The following DIP2C variants were observed in gnomAD, a reference collection of about 807,000 sequenced individuals.
The protein encoded by DIP2C is disco-interacting protein 2 homolog C.
A neutral mutation model predicts 192.4 loss-of-function variants in DIP2C; 33 were observed. That is an observed-to-expected ratio of 0.17 (90% confidence interval 0.13 to 0.23). The LOEUF (loss-of-function observed/expected upper bound fraction) is 0.23, where lower values mean the gene tolerates loss of function less well. DIP2C is among the 10% of genes least tolerant of loss of function. The pLI is 1.00. For missense variants in DIP2C, 1,537 were observed against 2,110.1 expected (o/e 0.73, Z 5.32); for synonymous variants, 979 against 864.1 (o/e 1.13, Z -2.33).
At chr10:628,679 C>G (rs1310422587) in intron 1 of DIP2C, 1 of 152,524 alleles carries the variant, frequency 6.6e-6, no homozygotes, top group Non-Finnish European at 1.5e-5. Flanking sequence ...GCTTTGAGCT[C>G]TAATGGATGA....
rs1856789452 is a variant in DIP2C, at chr10:661,996, CCTCCT to C, written c.85+27493_85+27497del. ...GCTCAGCTCACTGGCTGCCTTCTCT[CCTCCT>C]CTCGCCATGGCGAGTGCCCCGCAGG... On this transcript the variant is annotated intron_variant, in intron 1 of 36. Coordinates refer to ENST00000280886, the MANE Select transcript of DIP2C (RefSeq NM_014974.3). 4.2e-6 allele frequency: 3 copies of C among 711,518 alleles called. No homozygotes were observed. In the African/African-American group the frequency reaches 5.2e-5, roughly 12 times the overall value. The allele number at this position is 711,518 out of a possible 1,614,324, so 44.1% of individuals were successfully genotyped here.
chr10:605,938 T>A (rs982468466), intron 1 of DIP2C, among the ~76,000 whole-genome samples: 1 of 152,084 alleles, frequency 6.6e-6, no homozygotes, highest in Non-Finnish European at 1.5e-5. Flanking sequence ...CACATATGCA[T>A]CCTGCTGGGC....
intron 1 of DIP2C, among the ~76,000 whole-genome samples, chr10:530,797 G>A (rs539075585): frequency 6.6e-6 from 1 of 152,244 alleles, no homozygotes; most frequent in East Asian, 1.9e-4. Context: ...AGAGAGAAAT[G>A]CAAGCGGCAT....
At chr10:391,407 GA>G (rs1466330407) in intron 10 of DIP2C, among the ~76,000 whole-genome samples, 5 of 152,352 alleles carry the variant, frequency 3.3e-5, no homozygotes, top group Non-Finnish European at 7.3e-5. Flanking sequence ...CAGTCTCAAC[GA>G]ACTAACTGAA....
intron 4 of DIP2C, among the ~76,000 whole-genome samples, chr10:432,594 T>C (rs1966873773): frequency 6.6e-6 from 1 of 152,216 alleles, no homozygotes; most frequent in Non-Finnish European, 1.5e-5. Context: ...GGCTTATAGA[T>C]TTTCTCTCAA....
At chr10:399,705 T>C (rs968090684) in intron 9 of DIP2C, among the ~76,000 whole-genome samples, 5 of 152,166 alleles carry the variant, frequency 3.3e-5, no homozygotes, top group Non-Finnish European at 7.4e-5. Flanking sequence ...AGAGCTGATG[T>C]CTTAATGCGG....
intron 32 of DIP2C, among the ~76,000 whole-genome samples, chr10:290,141 GA>G: frequency 6.6e-6 from 1 of 152,330 alleles, no homozygotes; most frequent in Non-Finnish European, 1.5e-5. Context: ...TGATGAGGGA[GA>G]AAGACTTACT....
chr10:384,424 A>C, intron 15 of DIP2C, 122 bp downstream of exon 15: 1 of 1,020,536 alleles, frequency 9.8e-7, no homozygotes, highest in Non-Finnish European at 1.4e-6. Flanking sequence ...TATTAGTAGA[A>C]ACGGGGTTTC....
At chr10:447,610 C>T (rs1375624959) in intron 3 of DIP2C, among the ~76,000 whole-genome samples, 1 of 146,204 alleles carries the variant, frequency 6.8e-6, no homozygotes, top group Non-Finnish European at 1.5e-5. Context: ...CAGCAGGACC[C>T]ACTCATCCCT....
chr10:473,506 C>T (rs1418780717), intron 2 of DIP2C, among the ~76,000 whole-genome samples: 1 of 151,738 alleles, frequency 6.6e-6, no homozygotes, highest in Non-Finnish European at 1.5e-5. Context: ...GGACGTCACC[C>T]CCACAGCTCC....
rs531029893 is a variant in DIP2C, at chr10:548,464, G to GAGGGAGGGAGGC, written c.86-61935_86-61934insGCCTCCCTCCCT. Reference sequence around the variant, plus strand: ...GGATGGAGGGAGGGAGGGAGGGAGGGAGGCAGGCAGGCAGGCAGTGAGGCC... The same window carrying GAGGGAGGGAGGC: ...GGATGGAGGGAGGGAGGGAGGGAGGGAGGGAGGGAGGCAGGCAGGCAGGCAGGCAGTGAGGCC... On this transcript the variant is annotated intron_variant, in intron 1 of 36. Transcript: ENST00000280886. 6.2e-4 allele frequency among the ~76,000 whole-genome samples: 89 copies of GAGGGAGGGAGGC among 144,686 alleles called. No homozygotes were observed. In the East Asian group the frequency reaches 0.012, roughly 20 times the overall value. The allele number at this position is 144,686 out of a possible 152,430, so 94.9% of individuals were successfully genotyped here.
chr10:339,639 C>T (rs943456157), intron 29 of DIP2C, among the ~76,000 whole-genome samples: 8 of 152,058 alleles, frequency 5.3e-5, no homozygotes, highest in South Asian at 2.1e-4. Flanking sequence ...AGACCTCTGC[C>T]GTTCAGCTTG....
chr10:303,520 A>C (rs1235241811), intron 32 of DIP2C, among the ~76,000 whole-genome samples: 1 of 150,784 alleles, frequency 6.6e-6, no homozygotes, highest in African/African-American at 2.5e-5. Flanking sequence ...AAAGTTTTTT[A>C]CTTTTTTTTT....
At chr10:491,390 G>A (rs1444244838) in intron 1 of DIP2C, among the ~76,000 whole-genome samples, 3 of 152,356 alleles carry the variant, frequency 2.0e-5, no homozygotes, top group Admixed American at 2.0e-4. Context: ...CCCTGGTGCT[G>A]CTGCTCTGAG....
intron 1 of DIP2C, among the ~76,000 whole-genome samples, chr10:515,783 C>G (rs576052975): frequency 1.3e-5 from 2 of 152,084 alleles, no homozygotes; most frequent in East Asian, 3.9e-4. Context: ...CCGCCCCCAC[C>G]CAACCCAAGC....
chr10:493,040 C>T (rs2133596343), intron 1 of DIP2C, among the ~76,000 whole-genome samples: 1 of 152,328 alleles, frequency 6.6e-6, no homozygotes, highest in African/African-American at 2.4e-5. Context: ...GGAGCAGAGG[C>T]TTTGTGAGTT....
At chr10:349,550 A>T in intron 24 of DIP2C, 96 bp from the exon 25 acceptor site, 2 of 1,486,856 alleles carry the variant, frequency 1.3e-6, no homozygotes, top group Non-Finnish European at 1.8e-6. Flanking sequence ...GGCGCAAAGC[A>T]TACATCACTG....
chr10:467,872 C>T (rs1970347364), intron 3 of DIP2C, among the ~76,000 whole-genome samples: 1 of 152,116 alleles, frequency 6.6e-6, no homozygotes, highest in Non-Finnish European at 1.5e-5. Flanking sequence ...TTGATGGGTG[C>T]AGCAAAGCAC....
At chr10:384,718 C>CTA in intron 14 of DIP2C, 79 bp from the exon 15 acceptor site, 1 of 1,421,182 alleles carries the variant, frequency 7.0e-7, no homozygotes, top group Non-Finnish European at 9.8e-7. Context: ...GGCATGGACA[C>CTA]TAGGCCGCAC....
Sources: allele counts gnomAD v4.1 joint callset (sites outside exome capture counted in the v4.1 genomes callset), GRCh38; gene constraint gnomAD v4.1.1; transcripts MANE v1.5; gene names NCBI Gene and HGNC (gene_info 2026-07-23, HGNC 2026-07-21).